Variants in CD163 observed in about 807,000 individuals in gnomAD.
CD163 encodes the protein scavenger receptor cysteine-rich type 1 protein M130.
A neutral mutation model predicts 129.2 loss-of-function variants in CD163; 64 were observed. The observed-to-expected ratio is 0.50, with a 90% CI of 0.41 to 0.61. The LOEUF (loss-of-function observed/expected upper bound fraction) is 0.61. CD163 is among the 20% of genes least tolerant of loss of function. The pLI is 0.00. For synonymous variants in CD163, 446 were observed against 478.5 expected (o/e 0.93, Z 0.89); for missense variants, 1,061 against 1,377.9 (o/e 0.77, Z 3.64).
Position 7,479,845 on chromosome 12 carries a change from AT to A in CD163, c.*31+14del. The A allele has an allele frequency of 6.2e-7, 1 of 1,609,746 alleles. No individual in the cohort carries two copies. The highest frequency in any genetic ancestry group is 8.5e-7 in the Non-Finnish European group (1 of 1,178,390). On this transcript the variant is annotated intron_variant, in intron 16 of 16. Transcript: ENST00000432237. Reference sequence around the variant, plus strand: ...AGCTGTTTTGAACAATGACTAATAAATTCTCATCACTCACCTCACTGGGTTA... The same window carrying A: ...AGCTGTTTTGAACAATGACTAATAAATCTCATCACTCACCTCACTGGGTTA...
At chr12:7,495,901 A>G (rs1949393000) in intron 5 of CD163, among the ~76,000 whole-genome samples, 1 of 152,148 alleles carries the variant, frequency 6.6e-6, no homozygotes. Context: ...TTCAACCATT[A>G]TGGAAGACAG....
rs1483774076 is a variant in CD163, at chr12:7,496,766, C to A, written c.1099+47G>T. On this transcript the variant is annotated intron_variant, in intron 5 of 16. Transcript: ENST00000432237. This position sits in a 1 kb window ranked among gnomAD's most constrained non-coding sequence, Gnocchi z 4.8. The stretch of plus-strand genomic sequence containing the variant: ...AGGAGCACAGGACTTTCCGTTTCTG[C>A]TTTTCTTTTTGTTTAGTGTTTTGGT... The A allele has an allele frequency of 6.4e-7, 1 of 1,560,254 alleles. No homozygotes were observed. The highest frequency in any genetic ancestry group is 1.1e-5 in the South Asian group (1 of 89,658).
rs1462104605 is a variant in CD163 at position 7,496,854 on chromosome 12, T to C, written c.1058A>G (p.His353Arg). 1.2e-6 allele frequency: 2 copies of C among 1,614,056 alleles called. No homozygotes were observed. Among genetic ancestry groups the C allele is most frequent in the Non-Finnish European group, 1.7e-6 (2 of 1,180,008 alleles). The change falls in exon 5 of 17, where the codon CAT (histidine) becomes CGT (arginine). Residue 353 changes from histidine (H) to arginine (R), a missense_variant. By Grantham distance (29) the His-to-Arg change is conservative. Coordinates refer to ENST00000432237, the MANE Select transcript of CD163 (RefSeq NM_203416.4). The surrounding 1 kb of genome is among the most constrained non-coding windows in gnomAD (Gnocchi z 4.8). ...AGCATCTTCATTGTGATTGCAATAA[T>C]GCTTTCCCCATTCATGGTGTTTACA... ...WQCKHHEWGK[H>R]YCNHNEDAGV...
At position 7,487,990 on chromosome 12, in the gene CD163, G is replaced by A. The variant is rs150022939; in HGVS notation, c.1518C>T (p.Asp506=). 2.0e-5 allele frequency: 32 copies of A among 1,614,020 alleles called. No individual in the cohort carries two copies. Among genetic ancestry groups the A allele is most frequent in the Non-Finnish European group, 2.6e-5 (31 of 1,180,028 alleles). ...GDTWGSICDS[D]FSLEAASVLC... is the part of the protein sequence containing the mutation. ...GAACGCTGGCAGCTTCCAGAGAGAA[G>A]TCCGAATCACAGATGGAGCCCCACG... The change falls in exon 7 of 17, where the codon GAC becomes GAT. Residue 506 remains aspartate, a synonymous_variant. Coordinates refer to ENST00000432237, the MANE Select transcript of CD163 (RefSeq NM_203416.4). The surrounding 1 kb of genome is among the most constrained non-coding windows in gnomAD (Gnocchi z 5.1).
At position 7,495,478 on chromosome 12, in the gene CD163, C is replaced by T. The variant is rs773971964; in HGVS notation, c.1100-77G>A. The T allele has an allele frequency of 2.1e-4, 267 of 1,295,940 alleles. 1 individual carries two copies. In the South Asian group the frequency reaches 2.5e-3, roughly 12 times the overall value. 80.3% of individuals were successfully genotyped at this position (1,295,940 alleles called of 1,614,324 possible). A position where few individuals can be genotyped will look rare whatever the true frequency, so the allele number is the denominator to read the frequency against. Reference sequence around the variant, plus strand: ...CAGAGGATTTTTTTTTGTCTTTTTTCTTCTCTGATACTGATGCATTGAAAA... The same window carrying T: ...CAGAGGATTTTTTTTTGTCTTTTTTTTTCTCTGATACTGATGCATTGAAAA... On this transcript the variant is annotated intron_variant, in intron 5 of 16. Coordinates refer to ENST00000432237, the MANE Select transcript of CD163 (RefSeq NM_203416.4).
intron 6 of CD163, among the ~76,000 whole-genome samples, chr12:7,493,658 C>G (rs1200959027): frequency 6.6e-6 from 1 of 151,496 alleles, no homozygotes. Context: ...AATCTATAAC[C>G]TAAAATATTT....
At position 7,495,325 on chromosome 12, in the gene CD163, T is replaced by C; in HGVS notation, c.1176A>G (p.Arg392=). 1.2e-6 allele frequency: 2 copies of C among 1,614,140 alleles called. No individual in the cohort carries two copies. The highest frequency in any genetic ancestry group is 2.7e-5 in the African/African-American group (2 of 75,034). ...CAGTVEVEIQ[R]LLGKVCDRGW... is the part of the protein sequence containing the mutation. ...CTCTGTCACACACCTTCCCTAACAG[T>C]CTCTGAATCTCCACCTCAACTGTCC... The change falls in exon 6 of 17, where the codon AGA becomes AGG. Residue 392 remains arginine, a synonymous_variant. Coordinates refer to ENST00000432237, the MANE Select transcript of CD163 (RefSeq NM_203416.4).
At chr12:7,497,279 T>G (rs1039186191) in intron 4 of CD163, 146 bp from the exon 5 acceptor site, 1 of 660,242 alleles carries the variant, frequency 1.5e-6, no homozygotes, top group East Asian at 2.7e-5. Flanking sequence ...CCACTGGAAA[T>G]CATTCAAGAT....
At chr12:7,482,093 A>G (rs928805943) in intron 14 of CD163, among the ~76,000 whole-genome samples, 4 of 152,072 alleles carry the variant, frequency 2.6e-5, no homozygotes, top group African/African-American at 9.7e-5. Context: ...TATCTCTTCC[A>G]CTAGACTTGA....
intron 15 of CD163, 35 bp downstream of exon 15, chr12:7,481,126 C>T (rs1175560136): frequency 6.2e-7 from 1 of 1,609,532 alleles, no homozygotes; most frequent in Admixed American, 1.7e-5. Flanking sequence ...CTGATCTGAA[C>T]CCCTGGGCAA....
Position 7,498,146 on chromosome 12 carries a change from C to CAGAG in CD163, c.778+718_778+721dup, listed in dbSNP as rs1555079445. Among the ~76,000 whole-genome samples, 307 of 148,938 alleles carry CAGAG rather than the reference C, an allele frequency of 2.1e-3. 2 individuals are homozygous for CAGAG. The highest frequency in any genetic ancestry group is 6.7e-3 in the African/African-American group (272 of 40,596). On this transcript the variant is annotated intron_variant, in intron 4 of 16. Coordinates refer to ENST00000432237, the MANE Select transcript of CD163 (RefSeq NM_203416.4). ...ATTTACACACACACACACACACACACAGAGAGAGAGAGAGAGAGAGAGAAA... is the reference window on the plus strand; with the variant it reads ...ATTTACACACACACACACACACACACAGAGAGAGAGAGAGAGAGAGAGAGAGAAA...
intron 16 of CD163, among the ~76,000 whole-genome samples, chr12:7,474,746 T>A (rs1949060285): frequency 6.6e-6 from 1 of 151,852 alleles, no homozygotes; most frequent in African/African-American, 2.4e-5. Flanking sequence ...CCAAAGGAGA[T>A]GGAGACATGA....
chr12:7,497,251 CTG>C (rs1949415934), intron 4 of CD163, 118 bp from the exon 5 acceptor site: 3 of 769,592 alleles, frequency 3.9e-6, no homozygotes, highest in African/African-American at 1.7e-5. Flanking sequence ...ACAGAGAAAA[CTG>C]TGATGTACTG....
chr12:7,480,036 C>T, intron 15 of CD163, 123 bp from the exon 16 acceptor site: 3 of 1,588,862 alleles, frequency 1.9e-6, no homozygotes, highest in South Asian at 2.3e-5. Context: ...TAAACCAGAC[C>T]TCTTCTCACG....
At position 7,474,230 on chromosome 12, in the gene CD163, C is replaced by T. The variant is rs191567657; in HGVS notation, c.*32-2833G>A. On this transcript the variant is annotated intron_variant, in intron 16 of 16. Transcript: ENST00000432237. The stretch of plus-strand genomic sequence containing the variant: ...GAACACAGCTCTGGACCAAATGGAC[C>T]TAATAGACATCTACAGAACTCTCCA... Among the ~76,000 whole-genome samples the T allele has an allele frequency of 7.2e-5, 11 of 152,192 alleles. No homozygotes were observed. The East Asian group carries it at 1.4e-3, about 19-fold the overall frequency.
chr12:7,500,020 CTGTG>C (rs1290968036), intron 3 of CD163, among the ~76,000 whole-genome samples: 1 of 152,108 alleles, frequency 6.6e-6, no homozygotes, highest in Non-Finnish European at 1.5e-5. Flanking sequence ...CTAGATGCTA[CTGTG>C]TGTTTCTCTT....
chr12:7,501,083 A>C, intron 3 of CD163, 56 bp downstream of exon 3: 1 of 1,486,098 alleles, frequency 6.7e-7, no homozygotes, highest in Non-Finnish European at 9.3e-7. Context: ...ACCCATCTAC[A>C]TATTTTTTTC....
chr12:7,503,638 C>T lies in CD163; in HGVS notation c.46+7G>A. ...GGGGAAATGTAGAATAAATGAGAAG[C>T]TTTTACCAGCAGATCCAGAGTCTTC... On this transcript the variant is annotated splice_region_variant and intron_variant, in intron 1 of 16. Coordinates refer to ENST00000432237, the MANE Select transcript of CD163 (RefSeq NM_203416.4). The T allele has an allele frequency of 6.3e-7, 1 of 1,587,328 alleles. No individual in the cohort carries two copies. Among genetic ancestry groups the T allele is most frequent in the Non-Finnish European group, 8.6e-7 (1 of 1,159,544 alleles).
Position 7,486,624 on chromosome 12 carries a change from G to A in CD163, c.2333C>T (p.Thr778Ile). 1 of 1,614,124 alleles carries A rather than the reference G, an allele frequency of 6.2e-7. No homozygotes were observed. Among genetic ancestry groups the A allele is most frequent in the Non-Finnish European group, 8.5e-7 (1 of 1,180,026 alleles). ...CATCTCATCCAGCCAGATGGGCCCTGTTCCTTCCCCAAAATGAGCAGAACC... is the reference window on the plus strand; with the variant it reads ...CATCTCATCCAGCCAGATGGGCCCTATTCCTTCCCCAAAATGAGCAGAACC... ...ATGSAHFGEGTGPIWLDEMKC... is the reference protein window; with the variant it reads ...ATGSAHFGEGIGPIWLDEMKC... The change falls in exon 10 of 17, where the codon ACA becomes ATA. Residue 778 changes from threonine (T) to isoleucine (I), a missense_variant. Physicochemically the swap from Thr to Ile is moderately conservative, Grantham distance 89. Coordinates refer to ENST00000432237, the MANE Select transcript of CD163 (RefSeq NM_203416.4).
Sources: gnomAD v4.1 joint callset for allele counts (sites outside exome capture counted in the v4.1 genomes callset) on GRCh38, gnomAD v4.1.1 for gene constraint, Gnocchi (gnomAD v3.1) non-coding constraint, MANE v1.5 for transcripts, NCBI Gene and HGNC (gene_info 2026-07-23, HGNC 2026-07-21) for gene names.